The following BMPR2 variants were observed in gnomAD, a reference collection of about 807,000 sequenced individuals.
BMPR2 encodes the protein bone morphogenetic protein receptor type 2.
In BMPR2, 29 loss-of-function variants were observed where a neutral mutation model predicts 100.8. That is an observed-to-expected ratio of 0.29 (90% CI 0.21 to 0.39). The LOEUF (loss-of-function observed/expected upper bound fraction) is 0.39, where lower values mean the gene tolerates loss of function less well. Among genes scored for constraint, BMPR2 ranks in the 10% least tolerant of loss-of-function variants. The pLI, the probability that BMPR2 is intolerant of heterozygous loss-of-function variation, is 1.00. For missense variants in BMPR2, 1,011 were observed against 1,274.5 expected (o/e 0.79, Z 3.15); for synonymous variants, 382 against 442.3 (o/e 0.86, Z 1.71).
At chr2:202,403,373 T>C (rs1259725099) in intron 1 of BMPR2, among the ~76,000 whole-genome samples, 2 of 152,100 alleles carry the variant, frequency 1.3e-5, no homozygotes, top group Non-Finnish European at 2.9e-5. Context: ...CTAATTTTTG[T>C]ATTTTTTGTA....
rs1205304016 is a variant in BMPR2, at chr2:202,563,314, G to C, written c.*3368G>C. 1.3e-5 allele frequency: 2 copies of C among 152,166 alleles called. No homozygotes were observed. The highest frequency in any genetic ancestry group is 4.8e-5 in the African/African-American group (2 of 41,430). The allele number at this position is 152,166 out of a possible 1,614,324, so 9.4% of individuals were successfully genotyped here. On this transcript the variant is annotated 3_prime_UTR_variant, in exon 13 of 13. Transcript: ENST00000374580. ...TAACTGAGCGTGGTGGTGGGCGCCT[G>C]TAGTCCCAGCTACTCAGGAGGCTAA... is the stretch of plus-strand genomic sequence containing the variant.
chr2:202,418,336 CATT>C (rs1256783055), intron 1 of BMPR2, among the ~76,000 whole-genome samples: 1 of 152,180 alleles, frequency 6.6e-6, no homozygotes, highest in Non-Finnish European at 1.5e-5. Flanking sequence ...TTTTAGATGA[CATT>C]ATCTGTTTTG....
At chr2:202,393,884 AGAGAGAGAGAGAGAGAGAGAGAG>A (rs1690603834) in intron 1 of BMPR2, among the ~76,000 whole-genome samples, 1 of 27,442 alleles carries the variant, frequency 3.6e-5, no homozygotes, top group African/African-American at 1.8e-4. Flanking sequence ...TGAGAGAGCG[AGAGAGAGAGAGAGAGAGAGAGAG>A]AGAGAGAGAG....
intron 1 of BMPR2, among the ~76,000 whole-genome samples, chr2:202,439,745 C>CT (rs201206348): frequency 0.031 from 4,172 of 134,518 alleles, 371 homozygotes; most frequent in African/African-American, 0.091. Flanking sequence ...TTTCTTTTTT[C>CT]TTTTTTCTTT....
chr2:202,384,138 C>T lies in BMPR2; in HGVS notation c.76+6588C>T, dbSNP rs189032988. On this transcript the variant is annotated intron_variant, in intron 1 of 12. Transcript: ENST00000374580. ...AGTGAGCCAAGATTGTGCCACTTTA[C>T]TCCAGCCTTGGCAAAAGAGTGAAAC... is the stretch of plus-strand genomic sequence containing the variant. Among the ~76,000 whole-genome samples, 280 of 152,330 alleles carry T rather than the reference C, an allele frequency of 1.8e-3. 3 individuals carry two copies. The highest frequency in any genetic ancestry group is 6.7e-3 in the African/African-American group (278 of 41,576).
At chr2:202,409,524 C>G (rs1690970024) in intron 1 of BMPR2, among the ~76,000 whole-genome samples, 1 of 152,030 alleles carries the variant, frequency 6.6e-6, no homozygotes, top group South Asian at 2.1e-4. Flanking sequence ...TGAGACTTGC[C>G]TGGGCAAAAT....
chr2:202,480,321 G>A (rs1692634580), intron 3 of BMPR2, among the ~76,000 whole-genome samples: 1 of 151,964 alleles, frequency 6.6e-6, no homozygotes, highest in South Asian at 2.1e-4. Context: ...TAGAGATGGG[G>A]TTTTGCCATG....
intron 3 of BMPR2, chr2:202,505,094 A>C (rs534031812): frequency 6.0e-6 from 1 of 166,136 alleles, no homozygotes; most frequent in African/African-American, 2.4e-5. Context: ...GTCTTCAAAA[A>C]GGCCAACCAG....
chr2:202,512,631 T>C lies in BMPR2; in HGVS notation c.419-1088T>C, dbSNP rs1464475342. On this transcript the variant is annotated intron_variant, in intron 3 of 12. Coordinates refer to ENST00000374580, the MANE Select transcript of BMPR2 (RefSeq NM_001204.7). ...GCTCTCTTTTGGATATGCTCTAGTT[T>C]GTGGCCATCCATCCTAAAGGGTATT... 2.0e-5 allele frequency among the ~76,000 whole-genome samples: 3 copies of C among 152,212 alleles called. No individual in the cohort carries two copies. The East Asian group carries it at 5.8e-4, about 29-fold the overall frequency.
At chr2:202,486,946 C>G (rs1421691628) in intron 3 of BMPR2, among the ~76,000 whole-genome samples, 2 of 152,134 alleles carry the variant, frequency 1.3e-5, no homozygotes, top group Non-Finnish European at 2.9e-5. Flanking sequence ...GGGAGGATCA[C>G]CTGAGCCCCA....
At chr2:202,399,412 G>T (rs942205638) in intron 1 of BMPR2, among the ~76,000 whole-genome samples, 1 of 152,192 alleles carries the variant, frequency 6.6e-6, no homozygotes, top group Non-Finnish European at 1.5e-5. Context: ...AAAGGAGCTT[G>T]TTGTGGCTCG....
chr2:202,379,759 C>T (rs896643304), intron 1 of BMPR2, among the ~76,000 whole-genome samples: 9 of 152,168 alleles, frequency 5.9e-5, no homozygotes, highest in Non-Finnish European at 8.8e-5. Flanking sequence ...CATCCTTTTT[C>T]GGGGTCATGG....
chr2:202,469,189 C>T lies in BMPR2; in HGVS notation c.418+1500C>T, dbSNP rs533675099. On this transcript the variant is annotated intron_variant, in intron 3 of 12. Transcript: ENST00000374580. The stretch of plus-strand genomic sequence containing the variant: ...GGGATCAGGCATGTGCCACCACGCC[C>T]GGCTAATTTTGTATTTTTAGTAGAG... 4.6e-5 allele frequency among the ~76,000 whole-genome samples: 7 copies of T among 152,136 alleles called. No individual in the cohort carries two copies. The South Asian group carries it at 8.3e-4, about 18-fold the overall frequency.
intron 7 of BMPR2, among the ~76,000 whole-genome samples, chr2:202,522,343 T>G (rs1372608092): frequency 1.3e-5 from 2 of 151,718 alleles, no homozygotes; most frequent in African/African-American, 2.4e-5. Flanking sequence ...CCGTCTCTAC[T>G]AAAAATACAA....
chr2:202,443,379 A>G (rs1691784308), intron 1 of BMPR2, among the ~76,000 whole-genome samples: 1 of 150,522 alleles, frequency 6.6e-6, no homozygotes, highest in Non-Finnish European at 1.5e-5. Flanking sequence ...TTTTTGAGGA[A>G]CTTCCATATT....
At position 202,538,221 on chromosome 2, in the gene BMPR2, A is replaced by G. The variant is rs140931229; in HGVS notation, c.1277-4090A>G. 7.1e-3 allele frequency among the ~76,000 whole-genome samples: 1,080 copies of G among 151,534 alleles called. 21 individuals carry two copies. Among genetic ancestry groups the G allele is most frequent in the African/African-American group, 0.025 (1,022 of 41,214 alleles). ...GTAATCCTAGCACTTTGGGAGGCTGAGGTGGGTGGATCATTTGAGGTCAGG... is the reference window on the plus strand; with the variant it reads ...GTAATCCTAGCACTTTGGGAGGCTGGGGTGGGTGGATCATTTGAGGTCAGG... On this transcript the variant is annotated intron_variant, in intron 9 of 12. Transcript: ENST00000374580.
intron 3 of BMPR2, among the ~76,000 whole-genome samples, chr2:202,492,700 C>CAAAAAAAAAAAAAAAAAAAA (rs1166246933): frequency 1.9e-5 from 1 of 52,810 alleles, no homozygotes; most frequent in Non-Finnish European, 3.1e-5. Context: ...AGCTCTGTCT[C>CAAAAAAAAAAAAAAAAAAAA]AAAAAAAAAA....
intron 1 of BMPR2, among the ~76,000 whole-genome samples, chr2:202,407,344 A>G (rs1011288346): frequency 1.3e-5 from 2 of 152,042 alleles, no homozygotes; most frequent in Admixed American, 1.3e-4. Flanking sequence ...TGGCCTCCCA[A>G]AGTGCTGGGA....
In BMPR2 at chr2:202,405,484, C is replaced by T. The variant is rs369276819; in HGVS notation, c.76+27934C>T. ...CGGGCGGATCACGAGGTCAGGAGAT[C>T]GAGACCATCTTGGCTAACACGGTGA... is the stretch of plus-strand genomic sequence containing the variant. On this transcript the variant is annotated intron_variant, in intron 1 of 12. Transcript: ENST00000374580. Among the ~76,000 whole-genome samples the T allele has an allele frequency of 5.1e-4, 77 of 151,892 alleles. 1 individual carries two copies. In the South Asian group the frequency reaches 0.015, roughly 31 times the overall value.
Sources: allele counts gnomAD v4.1 joint callset (sites outside exome capture counted in the v4.1 genomes callset), GRCh38; gene constraint gnomAD v4.1.1; transcripts MANE v1.5; gene names NCBI Gene and HGNC (gene_info 2026-07-23, HGNC 2026-07-21).